The following TWF1 variants were observed in gnomAD, a reference collection of about 807,000 sequenced individuals.
TWF1 encodes the protein twinfilin-1.
TWF1 carries 14 observed loss-of-function variants against 47.9 expected under a neutral mutation model. The observed-to-expected ratio is 0.29, with a 90% CI of 0.19 to 0.46. The LOEUF is 0.46. Among genes scored for constraint, TWF1 ranks in the 20% least tolerant of loss-of-function variants. TWF1 has a pLI of 1.00. For synonymous variants in TWF1, 96 were observed against 139.2 expected, an observed-to-expected ratio of 0.69 and a Z score of 2.18; for missense variants, 281 against 409.3, an observed-to-expected ratio of 0.69 and a Z score of 2.70.
chr12:43,804,448 C>T, intron 2 of TWF1, 47 bp downstream of exon 2: 1 of 1,177,966 alleles, frequency 8.5e-7, no homozygotes, highest in Non-Finnish European at 1.2e-6. Flanking sequence ...AAAAATACAA[C>T]AGCCACTAAT....
chr12:43,798,569 A>G (rs530134990), intron 5 of TWF1: 2 of 1,527,642 alleles, frequency 1.3e-6, no homozygotes, highest in Non-Finnish European at 1.7e-6. Flanking sequence ...GCATACCCCA[A>G]TATGATCCTC....
intron 1 of TWF1, chr12:43,805,678 C>T: frequency 1.3e-6 from 1 of 761,402 alleles, no homozygotes; most frequent in South Asian, 1.4e-5. Context: ...CTCGAGATTT[C>T]TCAGAACATA....
rs897838515 is a variant in TWF1, at chr12:43,799,226, C to CT, written c.483+171dup. Among the ~76,000 whole-genome samples, 423 of 151,638 alleles carry CT rather than the reference C, an allele frequency of 2.8e-3. 2 individuals are homozygous for CT. Among genetic ancestry groups the CT allele is most frequent in the African/African-American group, 9.8e-3 (405 of 41,418 alleles). On this transcript the variant is annotated intron_variant, in intron 5 of 8. Transcript: ENST00000395510. ...ATATAAAGTTTAATATTCATTTTAA[C>CT]TTTTTTTTTCTGAAAAGGCATTAAG...
chr12:43,804,664 A>G (rs1383648252), intron 1 of TWF1, 92 bp from the exon 2 acceptor site: 8 of 830,646 alleles, frequency 9.6e-6, no homozygotes, highest in Admixed American at 2.6e-5. Context: ...ATACAAAGAA[A>G]AAATCTGGAG....
chr12:43,801,891 G>A (rs769003549), intron 3 of TWF1, among the ~76,000 whole-genome samples: 8 of 152,148 alleles, frequency 5.3e-5, no homozygotes, highest in Non-Finnish European at 1.2e-4. Context: ...TTAGCTGGGC[G>A]TGGTGGCACA....
intron 6 of TWF1, 49 bp from the exon 7 acceptor site, chr12:43,797,501 T>G (rs1449615582): frequency 6.9e-7 from 1 of 1,459,248 alleles, no homozygotes; most frequent in Non-Finnish European, 9.3e-7. Context: ...TATAAGGAAA[T>G]TAAGTTAAAA....
chr12:43,796,250 C>T (rs1229618021), intron 8 of TWF1, among the ~76,000 whole-genome samples: 2 of 152,042 alleles, frequency 1.3e-5, no homozygotes, highest in East Asian at 3.8e-4. Flanking sequence ...ACTATTTGGT[C>T]CTCTGTAGAA....
intron 5 of TWF1, 126 bp downstream of exon 5, chr12:43,799,272 C>A: frequency 1.8e-6 from 1 of 555,104 alleles, no homozygotes; most frequent in Non-Finnish European, 3.0e-6. Flanking sequence ...TATCTCTAAA[C>A]TAAACGGAAT....
intron 1 of TWF1, among the ~76,000 whole-genome samples, chr12:43,805,119 G>T (rs1030687625): frequency 6.6e-6 from 1 of 152,170 alleles, no homozygotes; most frequent in Non-Finnish European, 1.5e-5. Flanking sequence ...TAAACTCATT[G>T]AATAAATATG....
At chr12:43,805,490 G>A (rs1345740598) in intron 1 of TWF1, 4 of 454,684 alleles carry the variant, frequency 8.8e-6, no homozygotes, top group Non-Finnish European at 1.8e-5. Flanking sequence ...AGTAACCCGG[G>A]GATATATTAT....
rs1942526190 is a variant in TWF1 at position 43,795,096 on chromosome 12, T to C, written c.*489A>G. On this transcript the variant is annotated 3_prime_UTR_variant, in exon 9 of 9. Transcript: ENST00000395510. ...TTTCTAAAAGTTGCAGACATGATCC[T>C]ACAGTCTGACAGAGCTAGCACAGCT... The C allele has an allele frequency of 6.6e-6, 1 of 152,522 alleles. No individual in the cohort carries two copies. The highest frequency in any genetic ancestry group is 2.4e-5 in the African/African-American group (1 of 41,470). The allele number at this position is 152,522 out of a possible 1,614,324, so 9.4% of individuals were successfully genotyped here.
chr12:43,802,615 G>T, intron 2 of TWF1, 151 bp from the exon 3 acceptor site: 1 of 613,682 alleles, frequency 1.6e-6, no homozygotes, highest in Non-Finnish European at 2.8e-6. Context: ...AACATAGAAA[G>T]TAATTATGAC....
chr12:43,796,402 G>T (rs1432139718), intron 8 of TWF1, among the ~76,000 whole-genome samples: 1 of 152,052 alleles, frequency 6.6e-6, no homozygotes, highest in Non-Finnish European at 1.5e-5. Flanking sequence ...AAGGGCTCAA[G>T]AATATATATC....
chr12:43,803,982 T>C lies in TWF1; in HGVS notation c.103+513A>G, dbSNP rs576754401. Among the ~76,000 whole-genome samples, 3 of 152,288 alleles carry C rather than the reference T, an allele frequency of 2.0e-5. No homozygotes were observed. In the South Asian group the frequency reaches 6.2e-4, roughly 32 times the overall value. On this transcript the variant is annotated intron_variant, in intron 2 of 8. Coordinates refer to ENST00000395510, the MANE Select transcript of TWF1 (RefSeq NM_002822.5). ...TCAACCAGATTCCCTGTTTACAGAA[T>C]TATTTTTAAAGAATCAATTTGTAGT...
chr12:43,800,427 C>T lies in TWF1; in HGVS notation c.378+8G>A. On this transcript the variant is annotated splice_region_variant and intron_variant, in intron 4 of 8. Coordinates refer to ENST00000395510, the MANE Select transcript of TWF1 (RefSeq NM_002822.5). ...GCAACATATAGAATCCACATACAAA[C>T]ATAATACCTTTACTGTTCCAAATAC... 1 of 1,604,614 alleles carries T rather than the reference C, an allele frequency of 6.2e-7. No individual in the cohort carries two copies. The highest frequency in any genetic ancestry group is 8.5e-7 in the Non-Finnish European group (1 of 1,173,876).
chr12:43,806,162 C>T (rs1019170513), intron 1 of TWF1, 59 bp downstream of exon 1: 8 of 1,534,908 alleles, frequency 5.2e-6, no homozygotes, highest in Non-Finnish European at 7.0e-6. Context: ...TGCAGCCCTC[C>T]CGGCTCTCCC....
chr12:43,801,654 TTCTCAGATTTATTACAATTATTAC>T (rs1942663595), intron 3 of TWF1, among the ~76,000 whole-genome samples: 1 of 152,176 alleles, frequency 6.6e-6, no homozygotes, highest in South Asian at 2.1e-4. Flanking sequence ...GTTCAATTAG[TTCTCAGATTTATTACAATTATTAC>T]TCTCAGGGCC....
chr12:43,797,620 A>G, intron 6 of TWF1, 88 bp downstream of exon 6: 1 of 1,487,882 alleles, frequency 6.7e-7, no homozygotes, highest in South Asian at 1.4e-5. Context: ...AAGCTATTTA[A>G]AATGTAAAAT....
chr12:43,804,421 C>T, intron 2 of TWF1, 74 bp downstream of exon 2: 1 of 919,602 alleles, frequency 1.1e-6, no homozygotes, highest in Non-Finnish European at 1.7e-6. Context: ...AAATCACTGA[C>T]AACACACAGT....
Sources: gnomAD v4.1 joint callset for allele counts (sites outside exome capture counted in the v4.1 genomes callset) on GRCh38, gnomAD v4.1.1 for gene constraint, MANE v1.5 for transcripts, NCBI Gene and HGNC (gene_info 2026-07-23, HGNC 2026-07-21) for gene names.